Variants in WASHC4 observed in about 807,000 individuals in gnomAD.
WASHC4 encodes WASH complex subunit 4.
Under a neutral mutation model 166.6 loss-of-function variants are expected in WASHC4, and 86 were observed. That is an observed-to-expected ratio of 0.52 (90% CI 0.43 to 0.62). The LOEUF is 0.62. WASHC4 is among the 20% of genes least tolerant of loss of function. WASHC4 has a pLI of 0.00. For synonymous variants in WASHC4, 446 were observed against 451.6 expected (o/e 0.99, Z 0.16); for missense variants, 1,262 against 1,382.4 (o/e 0.91, Z 1.38).
chr12:105,147,061 G>A lies in WASHC4; in HGVS notation c.2429G>A (p.Ser810Asn). The A allele has an allele frequency of 1.9e-6, 3 of 1,604,780 alleles. No homozygotes were observed. Among genetic ancestry groups the A allele is most frequent in the Non-Finnish European group, 2.6e-6 (3 of 1,171,616 alleles). Reference protein sequence around the residue: ...LNNQIFIERTSNNKHLNTINI... With the variant: ...LNNQIFIERTNNNKHLNTINI... ...TTGCAGATTTTTATTGAACGAACAAGCAATAACAAGCATTTGAATACTATT... is the reference window on the plus strand; with the variant it reads ...TTGCAGATTTTTATTGAACGAACAAACAATAACAAGCATTTGAATACTATT... Residue 810 changes from serine (S) to asparagine (N), a missense_variant, in exon 24 of 33, where the codon AGC (serine) becomes AAC (asparagine). Coordinates refer to ENST00000332180, the MANE Select transcript of WASHC4 (RefSeq NM_015275.3).
chr12:105,151,420 T>A (rs995401954), intron 25 of WASHC4, among the ~76,000 whole-genome samples: 1 of 152,212 alleles, frequency 6.6e-6, no homozygotes, highest in Non-Finnish European at 1.5e-5. Flanking sequence ...TAGCAAAATA[T>A]TACTTTCTCA....
At chr12:105,148,217 A>G (rs1339860448) in intron 24 of WASHC4, 17 of 985,176 alleles carry the variant, frequency 1.7e-5, no homozygotes, top group Non-Finnish European at 1.8e-5. Flanking sequence ...TGGGGTTATC[A>G]ATATAGAAAT....
At chr12:105,159,818 A>G (rs571070086) in intron 28 of WASHC4, among the ~76,000 whole-genome samples, 183 bp from the exon 29 acceptor site, 31 of 152,346 alleles carry the variant, frequency 2.0e-4, no homozygotes, top group Admixed American at 6.5e-4. Flanking sequence ...AAATTTACTA[A>G]TATTGATCAG....
chr12:105,113,164 C>G (rs188192182), intron 2 of WASHC4, among the ~76,000 whole-genome samples: 1 of 152,128 alleles, frequency 6.6e-6, no homozygotes, highest in Admixed American at 6.6e-5. Context: ...CATTCTCAAC[C>G]TGTACTATCT....
At chr12:105,132,532 CCAT>C (rs1234567539) in intron 13 of WASHC4, among the ~76,000 whole-genome samples, 1 of 152,130 alleles carries the variant, frequency 6.6e-6, no homozygotes, top group Non-Finnish European at 1.5e-5. Flanking sequence ...AAAAAGGTTC[CCAT>C]CTGGAATGAG....
At chr12:105,165,811 A>G (rs1884776802) in intron 32 of WASHC4, among the ~76,000 whole-genome samples, 1 of 152,198 alleles carries the variant, frequency 6.6e-6, no homozygotes, top group Non-Finnish European at 1.5e-5. Flanking sequence ...CTAAATAAAC[A>G]TGCTTGAAAA....
intron 10 of WASHC4, among the ~76,000 whole-genome samples, chr12:105,123,112 A>C: frequency 6.6e-6 from 1 of 152,204 alleles, no homozygotes; most frequent in Non-Finnish European, 1.5e-5. Context: ...TCAGGAGTTC[A>C]AGACCAGCCT....
chr12:105,156,478 T>C (rs1418586082), intron 26 of WASHC4: 1 of 208,520 alleles, frequency 4.8e-6, no homozygotes, highest in Non-Finnish European at 9.3e-6. Flanking sequence ...GATTTTAGTT[T>C]ATCAAATGAA....
At position 105,144,348 on chromosome 12, in the gene WASHC4, A is replaced by G; in HGVS notation, c.2072A>G (p.His691Arg). Residue 691 changes from histidine to arginine, a missense_variant, in exon 21 of 33, where the codon CAT (histidine) becomes CGT (arginine). Transcript: ENST00000332180. ...EKDLRLSVHT[H>R]LKLDDRNPFK... ...GATCTGCGACTTTCTGTGCATACTC[A>G]TTTAAAGCTGGATGACCGAAACCCT... 6.2e-7 allele frequency: 1 copy of G among 1,613,542 alleles called. No homozygotes were observed. Among genetic ancestry groups the G allele is most frequent in the Non-Finnish European group, 8.5e-7 (1 of 1,179,502 alleles).
At chr12:105,166,753 A>T in intron 32 of WASHC4, 111 bp from the exon 33 acceptor site, 1 of 745,342 alleles carries the variant, frequency 1.3e-6, no homozygotes, top group South Asian at 1.4e-5. Flanking sequence ...GATGGATGCA[A>T]CTGTAATTTG....
intron 28 of WASHC4, among the ~76,000 whole-genome samples, chr12:105,157,530 A>T (rs902495223): frequency 6.6e-6 from 1 of 152,198 alleles, no homozygotes; most frequent in Non-Finnish European, 1.5e-5. Context: ...CACTAGCCAC[A>T]CATGGCTCTT....
intron 24 of WASHC4, chr12:105,149,152 T>C: frequency 1.0e-6 from 1 of 985,410 alleles, no homozygotes; most frequent in Non-Finnish European, 1.2e-6. Flanking sequence ...GAAATATTTA[T>C]GGATAGATAA....
At chr12:105,122,889 G>T (rs1880899821) in intron 10 of WASHC4, among the ~76,000 whole-genome samples, 1 of 152,128 alleles carries the variant, frequency 6.6e-6, no homozygotes, top group Non-Finnish European at 1.5e-5. Flanking sequence ...TATTCTCTGA[G>T]ACACAACCAT....
chr12:105,153,452 T>C (rs1037570417), intron 26 of WASHC4, among the ~76,000 whole-genome samples: 10 of 152,236 alleles, frequency 6.6e-5, no homozygotes, highest in African/African-American at 2.4e-4. Flanking sequence ...ATTTTACCTT[T>C]GTAAATGTTT....
intron 13 of WASHC4, among the ~76,000 whole-genome samples, chr12:105,132,787 AGTGTGT>A (rs58569487): frequency 0.29 from 40,846 of 142,194 alleles, 5,918 homozygotes; most frequent in East Asian, 0.5. Context: ...TGAAAGAGGT[AGTGTGT>A]GTGTGTGTGT....
intron 10 of WASHC4, among the ~76,000 whole-genome samples, chr12:105,123,840 G>A (rs1337957485): frequency 1.3e-5 from 2 of 152,094 alleles, no homozygotes; most frequent in African/African-American, 2.4e-5. Flanking sequence ...TCAATTCCTG[G>A]CTTCAAAGAA....
intron 25 of WASHC4, among the ~76,000 whole-genome samples, chr12:105,150,701 T>C (rs1178829980): frequency 6.6e-6 from 1 of 152,192 alleles, no homozygotes; most frequent in Non-Finnish European, 1.5e-5. Flanking sequence ...ATTAGTCTAT[T>C]CTCATGCTGC....
At chr12:105,110,922 C>T (rs961746627) in intron 1 of WASHC4, among the ~76,000 whole-genome samples, 5 of 152,100 alleles carry the variant, frequency 3.3e-5, no homozygotes, top group African/African-American at 1.2e-4. Flanking sequence ...ATGGTAACAT[C>T]TACTGCTTTT....
At chr12:105,153,393 A>T (rs184902001) in intron 26 of WASHC4, among the ~76,000 whole-genome samples, 1 of 152,166 alleles carries the variant, frequency 6.6e-6, no homozygotes, top group African/African-American at 2.4e-5. Flanking sequence ...CAGTTAATTG[A>T]TTTGCATATT....
Sources: gnomAD v4.1 joint callset for allele counts (sites outside exome capture counted in the v4.1 genomes callset) on GRCh38, gnomAD v4.1.1 for gene constraint, MANE v1.5 for transcripts, NCBI Gene and HGNC (gene_info 2026-07-23, HGNC 2026-07-21) for gene names.